The following PEMT variants were observed in gnomAD, a reference collection of about 807,000 sequenced individuals.
The protein encoded by PEMT is phospholipid methyltransferase.
In PEMT, 23 loss-of-function variants were observed where a neutral mutation model predicts 27.4. The ratio of observed to expected loss-of-function variants is 0.84; its 90% confidence interval spans 0.60 to 1.19. The LOEUF (loss-of-function observed/expected upper bound fraction) is 1.19. Ranked by LOEUF, PEMT falls within the 50% of genes most tolerant of loss-of-function variation. The pLI, the probability that PEMT is intolerant of heterozygous loss-of-function variation, is 0.00. For synonymous variants in PEMT, 137 were observed against 139.1 expected (o/e 0.98, Z 0.11); for missense variants, 307 against 310.1 (o/e 0.99, Z 0.07).
At chr17:17,507,156 T>G in intron 5 of PEMT, 2 of 1,559,186 alleles carry the variant, frequency 1.3e-6, no homozygotes, top group Non-Finnish European at 1.7e-6. Context: ...CCCCAATCTA[T>G]TTCTATAGTT....
intron 2 of PEMT, among the ~76,000 whole-genome samples, chr17:17,548,256 C>A (rs985997084): frequency 3.3e-5 from 5 of 152,262 alleles, no homozygotes; most frequent in African/African-American, 9.6e-5. Flanking sequence ...GAGGCCAAAG[C>A]TTGAATGCCC....
At chr17:17,542,505 C>T (rs923178580) in intron 2 of PEMT, among the ~76,000 whole-genome samples, 2 of 152,200 alleles carry the variant, frequency 1.3e-5, no homozygotes, top group Non-Finnish European at 2.9e-5. Flanking sequence ...TCCTGGCTAA[C>T]GCTTTCCTCT....
At chr17:17,522,188 G>A (rs1907317725) in intron 3 of PEMT, 92 bp downstream of exon 3, 1 of 886,848 alleles carries the variant, frequency 1.1e-6, no homozygotes, top group African/African-American at 1.6e-5. Flanking sequence ...TCAGACACAA[G>A]GCTCCCGCGT....
chr17:17,522,536 C>G (rs1357313036), intron 2 of PEMT, 141 bp from the exon 3 acceptor site: 3 of 643,206 alleles, frequency 4.7e-6, no homozygotes, highest in Non-Finnish European at 8.5e-6. Flanking sequence ...GAGCAACAAC[C>G]ACATGCACCC....
intron 2 of PEMT, among the ~76,000 whole-genome samples, chr17:17,532,717 A>T (rs79767548): frequency 0.019 from 2,928 of 152,266 alleles, 34 homozygotes; most frequent in Non-Finnish European, 0.021. Context: ...ATCTTTTTTT[A>T]AAAAAAGACA....
Position 17,561,765 on chromosome 17 carries a change from A to T in PEMT, c.204+15155T>A, listed in dbSNP as rs996986746. 6.6e-6 allele frequency among the ~76,000 whole-genome samples: 1 copy of T among 152,236 alleles called. No individual in the cohort carries two copies. The highest frequency in any genetic ancestry group is 6.5e-5 in the Admixed American group (1 of 15,288). Reference sequence around the variant, plus strand: ...GGGGCACAACCGCACCGGGCTCCCGAGGATGGCAAGGGGGACAGACTCCAG... The same window carrying T: ...GGGGCACAACCGCACCGGGCTCCCGTGGATGGCAAGGGGGACAGACTCCAG... On this transcript the variant is annotated intron_variant, in intron 2 of 6. Coordinates refer to ENST00000255389, the MANE Select transcript of PEMT (RefSeq NM_148172.3). The surrounding 1 kb of genome is among the most constrained non-coding windows in gnomAD (Gnocchi z 4.5).
At chr17:17,576,173 A>T (rs1911573106) in intron 2 of PEMT, among the ~76,000 whole-genome samples, 1 of 151,920 alleles carries the variant, frequency 6.6e-6, no homozygotes, top group South Asian at 2.1e-4. Context: ...CGGGCCAGGA[A>T]CCCCAAGAGC....
chr17:17,521,111 C>T (rs1457265637), intron 3 of PEMT, among the ~76,000 whole-genome samples: 3 of 152,374 alleles, frequency 2.0e-5, no homozygotes, highest in South Asian at 2.1e-4. Flanking sequence ...AGGCTACACG[C>T]GCCCCATCCA....
chr17:17,567,321 G>A (rs1441004458), intron 2 of PEMT, among the ~76,000 whole-genome samples: 1 of 152,262 alleles, frequency 6.6e-6, no homozygotes, highest in Admixed American at 6.5e-5. Context: ...TTGTCACCAC[G>A]TTGCTCAGGC....
chr17:17,577,390 A>T (rs1911672269), intron 1 of PEMT: 14 of 869,220 alleles, frequency 1.6e-5, no homozygotes, highest in Non-Finnish European at 2.0e-5. Context: ...AGCTGAGATA[A>T]ATGTGAAGAG....
intron 2 of PEMT, among the ~76,000 whole-genome samples, chr17:17,529,463 A>G (rs1246423530): frequency 2.0e-5 from 3 of 152,222 alleles, no homozygotes; most frequent in Non-Finnish European, 4.4e-5. Flanking sequence ...CCAACAGATC[A>G]ACAGACCTGC....
rs554860927 is a variant in PEMT, at chr17:17,571,726, T to C, written c.204+5194A>G. Among the ~76,000 whole-genome samples the C allele has an allele frequency of 2.0e-3, 289 of 141,366 alleles. 3 individuals are homozygous for C. The highest frequency in any genetic ancestry group is 7.5e-3 in the African/African-American group (282 of 37,608). The allele number at this position is 141,366 out of a possible 152,430, so 92.7% of individuals were successfully genotyped here. ...TTTGTTTTGGGTTTTTTTTTTTTTC[T>C]GATACAGGGTCTCACTCTGCCACCC... On this transcript the variant is annotated intron_variant, in intron 2 of 6. Transcript: ENST00000255389.
intron 2 of PEMT, among the ~76,000 whole-genome samples, chr17:17,572,694 G>A (rs1326903393): frequency 2.0e-5 from 3 of 152,232 alleles, no homozygotes; most frequent in South Asian, 2.1e-4. Flanking sequence ...CAGGGGCCGG[G>A]ATGGTGCCCA....
intron 1 of PEMT, among the ~76,000 whole-genome samples, chr17:17,587,783 G>A (rs1372037422): frequency 6.6e-6 from 1 of 152,168 alleles, no homozygotes; most frequent in Non-Finnish European, 1.5e-5. Flanking sequence ...GCCTGAGGTG[G>A]GGGAATTGCT....
intron 3 of PEMT, among the ~76,000 whole-genome samples, chr17:17,519,402 C>G (rs1907098811): frequency 6.6e-6 from 1 of 152,198 alleles, no homozygotes; most frequent in Non-Finnish European, 1.5e-5. Flanking sequence ...TGGGCAGATG[C>G]CAGGTGAGGC....
chr17:17,532,090 T>A (rs959383774), intron 2 of PEMT, among the ~76,000 whole-genome samples: 2 of 152,182 alleles, frequency 1.3e-5, no homozygotes, highest in African/African-American at 2.4e-5. Context: ...AACATCATAC[T>A]TAATGGTGAA....
At chr17:17,522,803 G>C (rs571631001) in intron 2 of PEMT, among the ~76,000 whole-genome samples, 75 of 152,296 alleles carry the variant, frequency 4.9e-4, no homozygotes, top group Non-Finnish European at 1.0e-3. Flanking sequence ...AGAACTGCCA[G>C]AGGAGCCCAT....
chr17:17,587,781 TG>T (rs1279331442), intron 1 of PEMT, among the ~76,000 whole-genome samples: 1 of 151,990 alleles, frequency 6.6e-6, no homozygotes, highest in African/African-American at 2.4e-5. Flanking sequence ...GAGCCTGAGG[TG>T]GGGGAATTGC....
Position 17,582,768 on chromosome 17 carries a change from A to G in PEMT, c.97-5741T>C, listed in dbSNP as rs1320785530. The stretch of plus-strand genomic sequence containing the variant: ...GAGTGTGCCAGAGTCTTTTTCCTCT[A>G]AGTTTATTCTCTGGGCCGGGCGCGA... On this transcript the variant is annotated intron_variant, in intron 1 of 6. Transcript: ENST00000255389. The surrounding 1 kb of genome is among the most constrained non-coding windows in gnomAD (Gnocchi z 4.9). Among the ~76,000 whole-genome samples, 1 of 152,166 alleles carries G rather than the reference A, an allele frequency of 6.6e-6. No individual in the cohort carries two copies. The highest frequency in any genetic ancestry group is 2.4e-5 in the African/African-American group (1 of 41,450).
Sources: gnomAD v4.1 joint callset for allele counts (sites outside exome capture counted in the v4.1 genomes callset) on GRCh38, gnomAD v4.1.1 for gene constraint, Gnocchi (gnomAD v3.1) non-coding constraint, MANE v1.5 for transcripts, NCBI Gene and HGNC (gene_info 2026-07-23, HGNC 2026-07-21) for gene names.